Variants in MORC2 observed in about 807,000 individuals in gnomAD.
MORC2 encodes the protein MORC family CW-type zinc finger 2.
MORC2 carries 30 observed loss-of-function variants against 136.0 expected under a neutral mutation model. The ratio of observed to expected loss-of-function variants is 0.22; its 90% CI spans 0.17 to 0.30. MORC2 has a LOEUF of 0.30. Ranked by LOEUF, MORC2 falls within the 10% of genes least tolerant of loss-of-function variation. MORC2 has a pLI of 1.00. For synonymous variants in MORC2, 439 were observed against 487.0 expected, an observed-to-expected ratio of 0.90 and a Z score of 1.30; for missense variants, 922 against 1,333.1, an observed-to-expected ratio of 0.69 and a Z score of 4.80.
chr22:30,950,353 C>CCAACA, intron 4 of MORC2, 24 bp downstream of exon 4: 2 of 1,481,956 alleles, frequency 1.3e-6, no homozygotes, highest in Non-Finnish European at 1.9e-6. Context: ...CCCCACCCCC[C>CCAACA]AAAACAATAA....
chr22:30,938,247 C>A, intron 12 of MORC2, 42 bp from the exon 13 acceptor site: 2 of 1,609,192 alleles, frequency 1.2e-6, no homozygotes, highest in Non-Finnish European at 1.7e-6. Context: ...CACATCGGCA[C>A]ACAAGCACCA....
chr22:30,957,580 T>C (rs1267176874), intron 2 of MORC2, among the ~76,000 whole-genome samples: 2 of 152,238 alleles, frequency 1.3e-5, no homozygotes, highest in Non-Finnish European at 2.9e-5. Context: ...CAAGTAGGAA[T>C]ACATACTCCT....
At chr22:30,946,471 G>A in intron 5 of MORC2, 22 bp from the exon 6 acceptor site, 1 of 1,582,684 alleles carries the variant, frequency 6.3e-7, no homozygotes, top group South Asian at 1.1e-5. Flanking sequence ...ACAGAAATGG[G>A]TGTTATTCTC....
chr22:30,928,148 G>A lies in MORC2; in HGVS notation c.2901C>T (p.Ser967=), dbSNP rs146962393. The change falls in exon 25 of 26, where the codon AGC becomes AGT. Residue 967 remains serine (S), a synonymous_variant. Transcript: ENST00000397641. ...AGGCCTTGGCCCGGGAGTCAGCACG[G>A]CTCTGGTAGGAATTGCACAGGTTTT... ...GLQNLCNSYQ[S]RADSRAKASE... 11 of 1,614,066 alleles carry A rather than the reference G, an allele frequency of 6.8e-6. No homozygotes were observed. The African/African-American group carries it at 1.5e-4, about 22-fold the overall frequency.
At chr22:30,954,038 C>A (rs1217034950) in intron 3 of MORC2, among the ~76,000 whole-genome samples, 1 of 152,142 alleles carries the variant, frequency 6.6e-6, no homozygotes, top group Non-Finnish European at 1.5e-5. Flanking sequence ...AGCGCATCGG[C>A]TCAGCCTGTA....
At chr22:30,939,096 G>A (rs1171853042) in intron 12 of MORC2, among the ~76,000 whole-genome samples, 1 of 152,166 alleles carries the variant, frequency 6.6e-6, no homozygotes, top group East Asian at 1.9e-4. Flanking sequence ...CAGACATGGA[G>A]GTGGGACAAG....
rs2040486890 is a variant in MORC2 at position 30,926,586 on chromosome 22, A to AAAAAAAAAAT, written c.*216_*217insATTTTTTTTT. The AAAAAAAAAAT allele has an allele frequency of 1.1e-5, 2 of 181,514 alleles. No homozygotes were observed. The highest frequency in any genetic ancestry group is 2.9e-5 in the African/African-American group (1 of 34,764). 11.2% of individuals were successfully genotyped at this position (181,514 alleles called of 1,614,324 possible). A position where few individuals can be genotyped will look rare whatever the true frequency, so the allele number is the denominator to read the frequency against. On this transcript the variant is annotated 3_prime_UTR_variant, in exon 26 of 26. Coordinates refer to ENST00000397641, the MANE Select transcript of MORC2 (RefSeq NM_001303256.3). ...AAAAAAAAAAAAAAAAAAAAAAAAAAGTATGGTCTCACAGGCACAGCATCT... is the reference window on the plus strand; with the variant it reads ...AAAAAAAAAAAAAAAAAAAAAAAAAAAAAAAAAAATGTATGGTCTCACAGGCACAGCATCT...
chr22:30,961,071 A>G (rs1036223655), intron 1 of MORC2, among the ~76,000 whole-genome samples: 2 of 148,090 alleles, frequency 1.4e-5, no homozygotes, highest in African/African-American at 5.0e-5. Flanking sequence ...GGTTTCACCA[A>G]GTTGGTCAGG....
chr22:30,964,706 T>C (rs1254467646), intron 1 of MORC2, among the ~76,000 whole-genome samples: 4 of 152,218 alleles, frequency 2.6e-5, no homozygotes, highest in Non-Finnish European at 4.4e-5. Context: ...GAGAATTTAT[T>C]TCCCAGGCCT....
chr22:30,946,567 C>A (rs2040818726), intron 5 of MORC2, 118 bp from the exon 6 acceptor site: 3 of 788,006 alleles, frequency 3.8e-6, no homozygotes, highest in Non-Finnish European at 4.1e-6. Context: ...CCTAAAGGCC[C>A]CCCCAGGTCC....
chr22:30,938,847 G>A (rs578057287), intron 12 of MORC2, among the ~76,000 whole-genome samples: 1 of 152,334 alleles, frequency 6.6e-6, no homozygotes, highest in South Asian at 2.1e-4. Flanking sequence ...GGGATTACAG[G>A]CGTGAGCCAC....
chr22:30,926,889 A>G lies in MORC2; in HGVS notation c.3031-18T>C. 6.2e-7 allele frequency: 1 copy of G among 1,610,052 alleles called. No homozygotes were observed. Among genetic ancestry groups the G allele is most frequent in the African/African-American group, 1.3e-5 (1 of 74,872 alleles). On this transcript the variant is annotated intron_variant, in intron 25 of 25. Transcript: ENST00000397641. ...TCTATGTCCTGGAATAGAGCAGGGT[A>G]GGGATCAACTGGGGGCCAGAAAGTG...
intron 21 of MORC2, 101 bp downstream of exon 21, chr22:30,933,361 GGACA>G (rs2040604175): frequency 7.8e-7 from 1 of 1,286,358 alleles, no homozygotes; most frequent in Non-Finnish European, 1.1e-6. Flanking sequence ...CCCAGACCCA[GGACA>G]GATTCAATGA....
chr22:30,928,614 G>A (rs1012215648), intron 24 of MORC2, among the ~76,000 whole-genome samples: 1 of 152,132 alleles, frequency 6.6e-6, no homozygotes, highest in Admixed American at 6.5e-5. Context: ...CAATGTCAGC[G>A]CTCATGTCAG....
chr22:30,948,478 G>A (rs1319580267), intron 5 of MORC2, among the ~76,000 whole-genome samples: 1 of 152,194 alleles, frequency 6.6e-6, no homozygotes, highest in Non-Finnish European at 1.5e-5. Context: ...CATCAAAGGA[G>A]GAGAAATAAA....
Position 30,933,513 on chromosome 22 carries a change from T to C in MORC2, c.2333A>G (p.Asp778Gly). 6.2e-7 allele frequency: 1 copy of C among 1,613,726 alleles called. No homozygotes were observed. Among genetic ancestry groups the C allele is most frequent in the South Asian group, 1.1e-5 (1 of 91,058 alleles). Residue 778 changes from aspartate (D) to glycine (G), a missense_variant, in exon 21 of 26, where the codon GAC (aspartate) becomes GGC (glycine). Physicochemically the swap from Asp to Gly is moderately conservative, Grantham distance 94. Transcript: ENST00000397641. ...EEKKDSNELS[D>G]SAGEEDSADL... ...AGCCGAGTCCTCTTCCCCAGCACTG[T>C]CTGAGAGCTGCGTGGAGAGCAGTCT...
intron 24 of MORC2, among the ~76,000 whole-genome samples, chr22:30,928,497 A>G (rs760006595): frequency 1.4e-4 from 22 of 152,210 alleles, no homozygotes; most frequent in Non-Finnish European, 2.2e-4. Flanking sequence ...GATTCTTACC[A>G]TTCCAAGTGA....
In MORC2 at chr22:30,925,173, T is replaced by A. The variant is rs928227221; in HGVS notation, c.*1630A>T. 1 of 313,554 alleles carries A rather than the reference T, an allele frequency of 3.2e-6. No individual in the cohort carries two copies. Among genetic ancestry groups the A allele is most frequent in the African/African-American group, 2.2e-5 (1 of 45,808 alleles). 19.4% of individuals were successfully genotyped at this position (313,554 alleles called of 1,614,324 possible). On this transcript the variant is annotated 3_prime_UTR_variant, in exon 26 of 26. Coordinates refer to ENST00000397641, the MANE Select transcript of MORC2 (RefSeq NM_001303256.3). Reference sequence around the variant, plus strand: ...AGAACTTTATAGTATTGCGTTTCGATTACATGTGTGTGAATTTTAAAAACT... The same window carrying A: ...AGAACTTTATAGTATTGCGTTTCGAATACATGTGTGTGAATTTTAAAAACT...
intron 17 of MORC2, among the ~76,000 whole-genome samples, chr22:30,935,691 G>A (rs1247694649): frequency 2.0e-5 from 3 of 152,188 alleles, no homozygotes; most frequent in Admixed American, 6.5e-5. Context: ...ATGGGTTAGT[G>A]AGAGCACATC....
Sources: allele counts gnomAD v4.1 joint callset (sites outside exome capture counted in the v4.1 genomes callset), GRCh38; gene constraint gnomAD v4.1.1; transcripts MANE v1.5; gene names NCBI Gene and HGNC (gene_info 2026-07-23, HGNC 2026-07-21).